The following FUBP3 variants were observed in gnomAD, a reference collection of about 807,000 sequenced individuals.
FUBP3 encodes far upstream element-binding protein 3.
FUBP3 carries 28 observed loss-of-function variants against 85.6 expected under a neutral mutation model. The ratio of observed to expected loss-of-function variants is 0.33; its 90% CI spans 0.24 to 0.45. The LOEUF is 0.45. Among genes scored for constraint, FUBP3 ranks in the 20% least tolerant of loss-of-function variants. The probability of loss-of-function intolerance (pLI) is 1.00; values close to 1 mark genes in which losing one functional copy is unlikely to be tolerated. For synonymous variants in FUBP3, 271 were observed against 271.4 expected, an observed-to-expected ratio of 1.00 and a Z score of 0.01; for missense variants, 583 against 755.1, an observed-to-expected ratio of 0.77 and a Z score of 2.67.
intron 2 of FUBP3, among the ~76,000 whole-genome samples, chr9:130,599,404 GTTT>G (rs1337335004): frequency 6.7e-6 from 1 of 150,294 alleles, no homozygotes; most frequent in Non-Finnish European, 1.5e-5. Context: ...TATATGTAAA[GTTT>G]TTTTTAATAT....
intron 2 of FUBP3, among the ~76,000 whole-genome samples, chr9:130,600,243 C>T (rs2119037858): frequency 6.6e-6 from 1 of 152,120 alleles, no homozygotes; most frequent in East Asian, 1.9e-4. Context: ...GACCTTCCTT[C>T]CGCGGTTACT....
chr9:130,585,144 AGT>A, intron 1 of FUBP3, among the ~76,000 whole-genome samples: 1 of 152,284 alleles, frequency 6.6e-6, no homozygotes, highest in African/African-American at 2.4e-5. Flanking sequence ...TGGGCGACAA[AGT>A]GAGACTCTGT....
At chr9:130,633,027 C>T (rs1327470692) in intron 16 of FUBP3, among the ~76,000 whole-genome samples, 1 of 152,274 alleles carries the variant, frequency 6.6e-6, no homozygotes, top group African/African-American at 2.4e-5. Flanking sequence ...GCCGCAGGCC[C>T]CGCCTCACAG....
At chr9:130,600,892 C>T (rs1831123547) in intron 2 of FUBP3, among the ~76,000 whole-genome samples, 1 of 152,044 alleles carries the variant, frequency 6.6e-6, no homozygotes, top group Non-Finnish European at 1.5e-5. Context: ...GGGAGGATTG[C>T]CTGAGCCTGG....
Position 130,620,215 on chromosome 9 carries a change from C to G in FUBP3, c.667-139C>G, listed in dbSNP as rs1564214314. On this transcript the variant is annotated intron_variant, in intron 8 of 18. Coordinates refer to ENST00000319725, the MANE Select transcript of FUBP3 (RefSeq NM_003934.2). Reference sequence around the variant, plus strand: ...GATACACACATCCCCCTACATGTCCCATAAGCCATAAGTGAATTGTCCTAC... The same window carrying G: ...GATACACACATCCCCCTACATGTCCGATAAGCCATAAGTGAATTGTCCTAC... 7 of 526,412 alleles carry G rather than the reference C, an allele frequency of 1.3e-5. No homozygotes were observed. In the South Asian group the frequency reaches 1.8e-4, roughly 14 times the overall value. 32.6% of individuals were successfully genotyped at this position (526,412 alleles called of 1,614,324 possible).
rs376235347 is a variant in FUBP3 at position 130,630,712 on chromosome 9, A to G, written c.1202A>G (p.Asn401Ser). 35 of 1,588,786 alleles carry G rather than the reference A, an allele frequency of 2.2e-5. No individual in the cohort carries two copies. In the South Asian group the frequency reaches 3.1e-4, roughly 14 times the overall value. Residue 401 changes from asparagine to serine, a missense_variant, in exon 13 of 19, where the codon AAC becomes AGC. By Grantham distance (46) the Asn-to-Ser change is conservative. This residue lies in a region of FUBP3 where 404 missense variants were observed against 516.8 expected (regional missense o/e 0.78). Transcript: ENST00000319725. The stretch of plus-strand genomic sequence containing the variant: ...AACCCCCCTCCCAACAGCGACCCCA[A>G]CCTGCGGAGATTCACCATCAGGGGG... ...QRNPPPNSDP[N>S]LRRFTIRGVP...
intron 10 of FUBP3, 23 bp downstream of exon 10, chr9:130,622,833 C>T: frequency 1.7e-6 from 2 of 1,156,778 alleles, no homozygotes; most frequent in Non-Finnish European, 2.5e-6. Flanking sequence ...ATTTAAAAAT[C>T]CTTAGTGTTA....
intron 8 of FUBP3, among the ~76,000 whole-genome samples, chr9:130,619,303 A>ATTTTTTTTTTTTTT (rs11293240): frequency 7.3e-6 from 1 of 137,900 alleles, no homozygotes; most frequent in Non-Finnish European, 1.6e-5. Context: ...TGTATATTTC[A>ATTTTTTTTTTTTTT]TTTTTTTTTT....
intron 2 of FUBP3, among the ~76,000 whole-genome samples, chr9:130,599,930 G>A: frequency 6.6e-6 from 1 of 152,036 alleles, no homozygotes; most frequent in East Asian, 1.9e-4. Flanking sequence ...CTGTGTAGCA[G>A]CCTGGCTGCC....
chr9:130,579,998 G>A lies in FUBP3; in HGVS notation c.84+234G>A, dbSNP rs543659187. ...CCAGGTGCCTGAAGTCGCTGGGAAA[G>A]GGTTTGCTTAGAGCGTCTGGCCCCA... On this transcript the variant is annotated intron_variant, in intron 1 of 18. Transcript: ENST00000319725. Among the ~76,000 whole-genome samples, 6 of 152,354 alleles carry A rather than the reference G, an allele frequency of 3.9e-5. No homozygotes were observed. In the East Asian group the frequency reaches 1.2e-3, roughly 29 times the overall value.
At chr9:130,611,083 G>A (rs1383660021) in intron 3 of FUBP3, among the ~76,000 whole-genome samples, 3 of 152,158 alleles carry the variant, frequency 2.0e-5, no homozygotes, top group Non-Finnish European at 4.4e-5. Flanking sequence ...CCTCACAGTT[G>A]GCTAAAGTGT....
intron 11 of FUBP3, among the ~76,000 whole-genome samples, chr9:130,625,144 G>T (rs1829918317): frequency 6.6e-6 from 1 of 152,246 alleles, no homozygotes; most frequent in Admixed American, 6.5e-5. Context: ...AGGAAGCGGA[G>T]GTTGCAGTGA....
chr9:130,637,328 TTTTGG>T lies in FUBP3; in HGVS notation c.*320_*324del. On this transcript the variant is annotated 3_prime_UTR_variant, in exon 19 of 19. Coordinates refer to ENST00000319725, the MANE Select transcript of FUBP3 (RefSeq NM_003934.2). ...GAGCTGTGACATTTCAACATGATGG[TTTTGG>T]TTTGGTTTGGTTTTGTGTCCTTTTT... 5.5e-6 allele frequency: 2 copies of T among 366,780 alleles called. No individual in the cohort carries two copies. Among genetic ancestry groups the T allele is most frequent in the South Asian group, 4.3e-5 (1 of 23,374 alleles). 22.7% of individuals were successfully genotyped at this position (366,780 alleles called of 1,614,324 possible).
intron 1 of FUBP3, among the ~76,000 whole-genome samples, chr9:130,589,675 G>GTGTGTGTATGTA (rs869282275): frequency 2.9e-5 from 1 of 34,312 alleles, no homozygotes; most frequent in African/African-American, 1.3e-4. Flanking sequence ...GTATGTGTGT[G>GTGTGTGTATGTA]TATATATATA....
At chr9:130,607,370 G>A (rs942848354) in intron 2 of FUBP3, among the ~76,000 whole-genome samples, 2 of 151,934 alleles carry the variant, frequency 1.3e-5, no homozygotes, top group South Asian at 4.2e-4. Flanking sequence ...TCACAGCCCA[G>A]GCAGTTCGTA....
intron 2 of FUBP3, among the ~76,000 whole-genome samples, chr9:130,599,381 G>A (rs142933990): frequency 0.077 from 10,348 of 133,904 alleles, 458 homozygotes; most frequent in Admixed American, 0.13. Context: ...GTGTGTGTGT[G>A]TGTATATATA....
intron 1 of FUBP3, among the ~76,000 whole-genome samples, chr9:130,591,767 A>C (rs1050640104): frequency 2.0e-5 from 3 of 152,194 alleles, no homozygotes; most frequent in African/African-American, 7.2e-5. Flanking sequence ...GAAACCTGAA[A>C]GGCTCAGTCA....
At chr9:130,628,128 C>CACACACACACACACACA (rs1554745974) in intron 12 of FUBP3, among the ~76,000 whole-genome samples, 1 of 140,730 alleles carries the variant, frequency 7.1e-6, no homozygotes, top group South Asian at 2.1e-4. Context: ...ACACACACAC[C>CACACACACACACACACA]CCCTACCCCT....
intron 1 of FUBP3, among the ~76,000 whole-genome samples, chr9:130,586,553 T>C (rs954790315): frequency 6.6e-6 from 1 of 151,902 alleles, no homozygotes; most frequent in Non-Finnish European, 1.5e-5. Context: ...ACCCAGCTAA[T>C]AAGGGCTATT....
Sources: allele counts gnomAD v4.1 joint callset (sites outside exome capture counted in the v4.1 genomes callset), GRCh38; gene constraint gnomAD v4.1.1; regional missense constraint gnomAD v4.1.1; transcripts MANE v1.5; gene names NCBI Gene and HGNC (gene_info 2026-07-23, HGNC 2026-07-21).